BCKDHB: variants seen among roughly 807,000 people sequenced by gnomAD.
BCKDHB encodes the protein 2-oxoisovalerate dehydrogenase subunit beta, mitochondrial.
Under a neutral mutation model 48.5 loss-of-function variants are expected in BCKDHB, and 41 were observed. The ratio of observed to expected loss-of-function variants is 0.85; its 90% CI spans 0.66 to 1.10. The LOEUF is 1.10. BCKDHB is among the 50% of genes least tolerant of loss of function. The probability of loss-of-function intolerance (pLI) is 0.00; values close to 1 mark genes in which losing one functional copy is unlikely to be tolerated. For missense variants in BCKDHB, 496 were observed against 494.2 expected (o/e 1.00, Z -0.03); for synonymous variants, 201 against 174.8 (o/e 1.15, Z -1.18).
the BCKDHB span, among the ~76,000 whole-genome samples, chr6:80,449,560 A>G: frequency 6.6e-6 from 1 of 152,254 alleles, no homozygotes; most frequent in Non-Finnish European, 1.5e-5. Context: ...TCTATTCTCC[A>G]TATTTCCTAT....
intron 8 of BCKDHB, among the ~76,000 whole-genome samples, chr6:80,243,020 G>A (rs571668468): frequency 3.9e-5 from 6 of 152,154 alleles, no homozygotes; most frequent in South Asian, 2.1e-4. Flanking sequence ...GGGGTTAATC[G>A]GGAAACGACT....
the BCKDHB span, among the ~76,000 whole-genome samples, chr6:80,397,025 A>T: frequency 6.6e-6 from 1 of 152,168 alleles, no homozygotes; most frequent in Non-Finnish European, 1.5e-5. Context: ...CCCAATTCTT[A>T]CACTTCAGAA....
chr6:80,288,440 T>G (rs997571215), intron 9 of BCKDHB, among the ~76,000 whole-genome samples: 1 of 152,154 alleles, frequency 6.6e-6, no homozygotes, highest in African/African-American at 2.4e-5. Context: ...TCATCAACCT[T>G]AGGGTCTACG....
At chr6:80,176,703 A>C (rs919194071) in intron 6 of BCKDHB, among the ~76,000 whole-genome samples, 1 of 152,178 alleles carries the variant, frequency 6.6e-6, no homozygotes, top group Non-Finnish European at 1.5e-5. Context: ...GTGCGGTCTG[A>C]AAGCACTTAA....
chr6:80,292,054 T>A (rs1766949418), intron 9 of BCKDHB, among the ~76,000 whole-genome samples: 1 of 152,150 alleles, frequency 6.6e-6, no homozygotes, highest in African/African-American at 2.4e-5. Flanking sequence ...CCTTTTATGG[T>A]CTGAAGATAA....
intron 8 of BCKDHB, among the ~76,000 whole-genome samples, chr6:80,213,035 A>G (rs1053904986): frequency 3.3e-5 from 5 of 152,346 alleles, no homozygotes; most frequent in African/African-American, 1.2e-4. Context: ...TGACTGTGAT[A>G]GGATTGGTGC....
intron 3 of BCKDHB, among the ~76,000 whole-genome samples, chr6:80,165,012 T>G (rs1772502083): frequency 6.6e-6 from 1 of 152,198 alleles, no homozygotes; most frequent in Non-Finnish European, 1.5e-5. Flanking sequence ...TTAAACTATT[T>G]CCTCAAATCA....
chr6:80,277,489 C>T, intron 9 of BCKDHB, among the ~76,000 whole-genome samples: 1 of 151,674 alleles, frequency 6.6e-6, no homozygotes, highest in East Asian at 1.9e-4. Flanking sequence ...TGTAAATCAG[C>T]CTTTATTATT....
chr6:80,313,414 G>A (rs534489949), intron 9 of BCKDHB, among the ~76,000 whole-genome samples: 1 of 152,148 alleles, frequency 6.6e-6, no homozygotes, highest in African/African-American at 2.4e-5. Context: ...AGGCTGGAGT[G>A]CAGTGGCGCG....
the BCKDHB span, among the ~76,000 whole-genome samples, chr6:80,391,945 C>A: frequency 3.3e-5 from 5 of 151,964 alleles, no homozygotes; most frequent in African/African-American, 1.2e-4. Context: ...CAAAGATTTA[C>A]CCCTCTTTAT....
In BCKDHB at chr6:80,171,597, G is replaced by A. The variant is rs149965024; in HGVS notation, c.742+207G>A. 5.2e-3 allele frequency among the ~76,000 whole-genome samples: 792 copies of A among 152,074 alleles called. 2 individuals carry two copies. Among genetic ancestry groups the A allele is most frequent in the African/African-American group, 0.018 (744 of 41,508 alleles). On this transcript the variant is annotated intron_variant, in intron 6 of 9. Transcript: ENST00000320393. Reference sequence around the variant, plus strand: ...CTAGCCATTTTATATTTTGATTGTGGAAACAAAGAGGAAATCTGAAGTGGT... The same window carrying A: ...CTAGCCATTTTATATTTTGATTGTGAAAACAAAGAGGAAATCTGAAGTGGT...
chr6:80,277,797 T>A (rs1202540061), intron 9 of BCKDHB, among the ~76,000 whole-genome samples: 1 of 151,994 alleles, frequency 6.6e-6, no homozygotes, highest in East Asian at 1.9e-4. Context: ...ACTCAGAAAC[T>A]GTGGATACCA....
the BCKDHB span, among the ~76,000 whole-genome samples, chr6:80,429,702 G>C: frequency 6.6e-5 from 10 of 152,294 alleles, no homozygotes; most frequent in African/African-American, 2.2e-4. Context: ...GAATGCTTGT[G>C]ATTTTTGCAC....
At chr6:80,400,166 A>T in the BCKDHB span, among the ~76,000 whole-genome samples, 1 of 152,014 alleles carries the variant, frequency 6.6e-6, no homozygotes, top group East Asian at 1.9e-4. Context: ...TGAACACAGG[A>T]ATGGGCAAAA....
rs146323200 is a variant in BCKDHB, at chr6:80,200,178, C to T, written c.743-756C>T. 2.2e-3 allele frequency among the ~76,000 whole-genome samples: 327 copies of T among 151,990 alleles called. 2 individuals are homozygous for T. The highest frequency in any genetic ancestry group is 3.6e-3 in the Non-Finnish European group (247 of 67,996). Reference sequence around the variant, plus strand: ...TGAAATTCAGTTTATAATTTTCTCCCAGATTCAGTCATCTCTATATAACTT... The same window carrying T: ...TGAAATTCAGTTTATAATTTTCTCCTAGATTCAGTCATCTCTATATAACTT... On this transcript the variant is annotated intron_variant, in intron 6 of 9. Transcript: ENST00000320393.
chr6:80,267,045 C>G (rs1454820262), intron 8 of BCKDHB, among the ~76,000 whole-genome samples: 1 of 151,934 alleles, frequency 6.6e-6, no homozygotes, highest in African/African-American at 2.4e-5. Context: ...ATACTTAGGT[C>G]CTTTTCTAAG....
At chr6:80,127,279 C>T (rs781252320) in intron 1 of BCKDHB, 14 of 408,334 alleles carry the variant, frequency 3.4e-5, no homozygotes, top group Middle Eastern at 7.5e-4. Flanking sequence ...ATTGTCTACA[C>T]GCATTTAGTC....
intron 9 of BCKDHB, among the ~76,000 whole-genome samples, chr6:80,309,583 TTTTGTTTG>T (rs536383356): frequency 2.6e-5 from 4 of 152,104 alleles, no homozygotes; most frequent in African/African-American, 4.8e-5. Context: ...CTGTGGTTTT[TTTTGTTTG>T]TTTGTTTGTT....
At chr6:80,223,548 C>G (rs1419715529) in intron 8 of BCKDHB, among the ~76,000 whole-genome samples, 1 of 151,982 alleles carries the variant, frequency 6.6e-6, no homozygotes, top group Non-Finnish European at 1.5e-5. Context: ...AATCATGGAA[C>G]TACTTATGAA....
Sources: allele counts gnomAD v4.1 joint callset (sites outside exome capture counted in the v4.1 genomes callset), GRCh38; gene constraint gnomAD v4.1.1; transcripts MANE v1.5; gene names NCBI Gene and HGNC (gene_info 2026-07-23, HGNC 2026-07-21).